The following CYBRD1 variants were observed in gnomAD, a reference collection of about 807,000 sequenced individuals.
CYBRD1 encodes the protein cytochrome b reductase 1.
A neutral mutation model predicts 21.9 loss-of-function variants in CYBRD1; 14 were observed. The observed-to-expected ratio is 0.64, with a 90% CI of 0.42 to 1.00. The LOEUF (loss-of-function observed/expected upper bound fraction) is 1.00. Ranked by LOEUF, CYBRD1 falls within the 50% of genes least tolerant of loss-of-function variation. The pLI is 0.00. For synonymous variants in CYBRD1, 146 were observed against 136.5 expected (o/e 1.07, Z -0.48); for missense variants, 328 against 352.5 (o/e 0.93, Z 0.56).
At chr2:171,534,205 C>T (rs7598064) in intron 1 of CYBRD1, among the ~76,000 whole-genome samples, 2 of 152,072 alleles carry the variant, frequency 1.3e-5, no homozygotes, top group Non-Finnish European at 2.9e-5. Flanking sequence ...GTTTGTATTT[C>T]CCCTCATTTT....
At chr2:171,523,274 G>T in intron 1 of CYBRD1, 1 of 432,416 alleles carries the variant, frequency 2.3e-6, no homozygotes, top group Non-Finnish European at 4.7e-6. Flanking sequence ...GATTGCCGGA[G>T]CGAGAATTTG....
intron 3 of CYBRD1, 27 bp downstream of exon 3, chr2:171,553,527 A>G: frequency 6.3e-7 from 1 of 1,596,832 alleles, no homozygotes; most frequent in Non-Finnish European, 8.5e-7. Context: ...TCTTAATTGT[A>G]ATACTTAAGC....
chr2:171,543,595 G>A (rs948915736), intron 2 of CYBRD1, among the ~76,000 whole-genome samples: 1 of 151,856 alleles, frequency 6.6e-6, no homozygotes, highest in Admixed American at 6.6e-5. Context: ...ATCACATACT[G>A]TGAATCAATA....
chr2:171,527,385 G>A lies in CYBRD1; in HGVS notation c.193+4647G>A, dbSNP rs79447508. On this transcript the variant is annotated intron_variant, in intron 1 of 3. Coordinates refer to ENST00000321348, the MANE Select transcript of CYBRD1 (RefSeq NM_024843.4). ...CACTGAGAACTGGCACATGGTAGAC[G>A]AGTAAGTGGTTGTTGAATGAATGAG... is the stretch of plus-strand genomic sequence containing the variant. Among the ~76,000 whole-genome samples, 102 of 152,274 alleles carry A rather than the reference G, an allele frequency of 6.7e-4. 1 individual carries two copies. In the East Asian group the frequency reaches 0.016, roughly 24 times the overall value.
intron 1 of CYBRD1, among the ~76,000 whole-genome samples, chr2:171,536,461 A>G (rs1697547702): frequency 6.6e-6 from 1 of 152,108 alleles, no homozygotes; most frequent in African/African-American, 2.4e-5. Context: ...ATGCACCACC[A>G]TGCCCAGCTG....
intron 2 of CYBRD1, chr2:171,551,157 C>T (rs1559320906): frequency 6.4e-6 from 1 of 155,650 alleles, no homozygotes; most frequent in Non-Finnish European, 1.4e-5. Context: ...CCATGTTGCC[C>T]GGGCTTGTCT....
intron 2 of CYBRD1, among the ~76,000 whole-genome samples, chr2:171,546,046 T>C (rs1393887044): frequency 1.3e-5 from 2 of 152,242 alleles, no homozygotes; most frequent in Non-Finnish European, 2.9e-5. Context: ...TATCTCGCGT[T>C]GTTGTCTTTG....
chr2:171,544,518 A>G (rs1697681618), intron 2 of CYBRD1, among the ~76,000 whole-genome samples: 1 of 152,238 alleles, frequency 6.6e-6, no homozygotes, highest in Admixed American at 6.5e-5. Context: ...TCTAGTACAC[A>G]GAAAAAACAA....
At chr2:171,549,833 TG>T (rs1697772947) in intron 2 of CYBRD1, among the ~76,000 whole-genome samples, 1 of 152,318 alleles carries the variant, frequency 6.6e-6, no homozygotes, top group Admixed American at 6.5e-5. Flanking sequence ...TCCTAAACAC[TG>T]GGGCACTTTG....
upstream of CYBRD1, chr2:171,522,375 A>AC: frequency 6.7e-7 from 1 of 1,496,606 alleles, no homozygotes; most frequent in Non-Finnish European, 8.9e-7. This position sits in a 1 kb window ranked among gnomAD's most constrained non-coding sequence, Gnocchi z 4.3. Flanking sequence ...CCAGCTCCCC[A>AC]CCCCCAAGAG....
At chr2:171,532,795 T>C (rs1697487439) in intron 1 of CYBRD1, among the ~76,000 whole-genome samples, 2 of 151,606 alleles carry the variant, frequency 1.3e-5, no homozygotes. Context: ...AGTGAGACTC[T>C]GTCTCAAAAA....
At chr2:171,525,342 C>T (rs968645214) in intron 1 of CYBRD1, among the ~76,000 whole-genome samples, 2 of 152,156 alleles carry the variant, frequency 1.3e-5, no homozygotes, top group Non-Finnish European at 2.9e-5. Flanking sequence ...ATGTGCAAAT[C>T]ACTTTAATCA....
rs935126807 is a variant in CYBRD1 at position 171,555,097 on chromosome 2, G to A, written c.*270G>A. The A allele has an allele frequency of 4.2e-6, 2 of 474,382 alleles. No individual in the cohort carries two copies. The highest frequency in any genetic ancestry group is 7.7e-6 in the Non-Finnish European group (2 of 260,236). 29.4% of individuals were successfully genotyped at this position (474,382 alleles called of 1,614,324 possible). ...GACCACAACATTAGCACGGTGCCTT[G>A]TGCAGAATAGATACTCAATATGTGA... On this transcript the variant is annotated 3_prime_UTR_variant, in exon 4 of 4. Coordinates refer to ENST00000321348, the MANE Select transcript of CYBRD1 (RefSeq NM_024843.4).
chr2:171,544,075 AC>A (rs943352635), intron 2 of CYBRD1, among the ~76,000 whole-genome samples: 2 of 152,132 alleles, frequency 1.3e-5, no homozygotes, highest in Non-Finnish European at 2.9e-5. Flanking sequence ...ACCAGCTTGC[AC>A]CCTCTTTAAA....
intron 1 of CYBRD1, among the ~76,000 whole-genome samples, chr2:171,535,311 TG>T: frequency 6.6e-6 from 1 of 152,314 alleles, no homozygotes; most frequent in Non-Finnish European, 1.5e-5. Flanking sequence ...GGATAATAAT[TG>T]GTGTTTGATT....
At position 171,555,838 on chromosome 2, in the gene CYBRD1, T is replaced by C. The variant is rs1683475852; in HGVS notation, c.*1011T>C. The C allele has an allele frequency of 6.6e-6, 1 of 152,212 alleles. No homozygotes were observed. Among genetic ancestry groups the C allele is most frequent in the Admixed American group, 6.5e-5 (1 of 15,278 alleles). 9.4% of individuals were successfully genotyped at this position (152,212 alleles called of 1,614,324 possible). ...CCAAGGTCACACGGCTCATACATGGTGGGACTGAGACTCAGATGCAGGCAG... is the reference window on the plus strand; with the variant it reads ...CCAAGGTCACACGGCTCATACATGGCGGGACTGAGACTCAGATGCAGGCAG... On this transcript the variant is annotated 3_prime_UTR_variant, in exon 4 of 4. Coordinates refer to ENST00000321348, the MANE Select transcript of CYBRD1 (RefSeq NM_024843.4).
At chr2:171,543,489 TCTC>T (rs1697667245) in intron 2 of CYBRD1, among the ~76,000 whole-genome samples, 1 of 152,012 alleles carries the variant, frequency 6.6e-6, no homozygotes, top group Non-Finnish European at 1.5e-5. Flanking sequence ...CCTCATCTCT[TCTC>T]CTCAACCAGA....
rs575557818 is a variant in CYBRD1 at position 171,523,677 on chromosome 2, G to T, written c.193+939G>T. 2.4e-3 allele frequency among the ~76,000 whole-genome samples: 364 copies of T among 152,196 alleles called. 3 individuals carry two copies. Among genetic ancestry groups the T allele is most frequent in the African/African-American group, 8.4e-3 (350 of 41,512 alleles). On this transcript the variant is annotated intron_variant, in intron 1 of 3. Coordinates refer to ENST00000321348, the MANE Select transcript of CYBRD1 (RefSeq NM_024843.4). ...CTGCATTCTCTGGGCTGAGGCTGGC[G>T]CGGGGGAGGGGCTCAGCAGTCGCTG...
chr2:171,527,603 G>C (rs12472239), intron 1 of CYBRD1, among the ~76,000 whole-genome samples: 8,132 of 152,176 alleles, frequency 0.053, 871 homozygotes, highest in East Asian at 0.52. Flanking sequence ...CACTGGAAAC[G>C]CATCTTTATT....
Sources: allele counts gnomAD v4.1 joint callset (sites outside exome capture counted in the v4.1 genomes callset), GRCh38; gene constraint gnomAD v4.1.1; non-coding constraint Gnocchi (gnomAD v3.1); transcripts MANE v1.5; gene names NCBI Gene and HGNC (gene_info 2026-07-23, HGNC 2026-07-21).